TRIM40: variants seen among roughly 807,000 people sequenced by gnomAD.
TRIM40 encodes E3 ubiquitin ligase TRIM40.
Under a neutral mutation model 26.1 loss-of-function variants are expected in TRIM40, and 27 were observed. That is an observed-to-expected ratio of 1.04 (90% CI 0.76 to 1.43). TRIM40 has a LOEUF of 1.43. Ranked by LOEUF, TRIM40 falls within the 40% of genes most tolerant of loss-of-function variation. The probability of loss-of-function intolerance (pLI) is 0.00; values close to 1 mark genes in which losing one functional copy is unlikely to be tolerated. For synonymous variants in TRIM40, 114 were observed against 120.0 expected (o/e 0.95, Z 0.33); for missense variants, 289 against 307.9 (o/e 0.94, Z 0.46).
At chr6:30,143,516 T>C (rs1771474094) in intron 2 of TRIM40, among the ~76,000 whole-genome samples, 1 of 151,892 alleles carries the variant, frequency 6.6e-6, no homozygotes, top group African/African-American at 2.4e-5. Flanking sequence ...TAGCAAGTTG[T>C]TTAAGAACAA....
chr6:30,144,202 T>C (rs1045105544), intron 2 of TRIM40, among the ~76,000 whole-genome samples: 1 of 152,166 alleles, frequency 6.6e-6, no homozygotes, highest in African/African-American at 2.4e-5. Flanking sequence ...CTTATCTTTG[T>C]TGCTGAGAAG....
At chr6:30,143,235 T>G (rs1169625002) in intron 2 of TRIM40, among the ~76,000 whole-genome samples, 1 of 152,166 alleles carries the variant, frequency 6.6e-6, no homozygotes, top group Non-Finnish European at 1.5e-5. Context: ...CTATGTATTT[T>G]ACAACACTAT....
chr6:30,146,906 C>T, intron 3 of TRIM40, 79 bp from the exon 4 acceptor site: 1 of 1,406,002 alleles, frequency 7.1e-7, no homozygotes, highest in Non-Finnish European at 9.8e-7. Flanking sequence ...ATCAGCATTC[C>T]TGCTCAGACA....
At chr6:30,145,574 G>T (rs530569481) in intron 2 of TRIM40, among the ~76,000 whole-genome samples, 2 of 152,284 alleles carry the variant, frequency 1.3e-5, no homozygotes, top group East Asian at 3.9e-4. Context: ...TCCCAGTGAG[G>T]ACCAGGCAGC....
chr6:30,145,364 A>T (rs937697536), intron 2 of TRIM40, among the ~76,000 whole-genome samples: 1 of 152,246 alleles, frequency 6.6e-6, no homozygotes, highest in African/African-American at 2.4e-5. Context: ...CATTTAAAGC[A>T]TTTGTTGTTA....
Position 30,137,276 on chromosome 6 carries a change from G to A in TRIM40, c.240G>A (p.Arg80=), listed in dbSNP as rs758609491. 3.1e-6 allele frequency: 5 copies of A among 1,613,074 alleles called. No individual in the cohort carries two copies. The highest frequency in any genetic ancestry group is 4.2e-6 in the Non-Finnish European group (5 of 1,180,024). ...ICPNHQKRVC[R]FCEESRLLLC... is the part of the protein sequence containing the mutation. ...CCAACCACCAGAAGAGGGTGTGCAG[G>A]TTCTGTGAGGAGAGCAGACTTCTTC... Residue 80 remains arginine, a synonymous_variant, in exon 2 of 6, where the codon AGG becomes AGA. Coordinates refer to ENST00000396581, the MANE Select transcript of TRIM40 (RefSeq NM_001286633.2).
chr6:30,140,573 G>C (rs182670289), intron 2 of TRIM40, among the ~76,000 whole-genome samples: 236 of 152,212 alleles, frequency 1.6e-3, no homozygotes, highest in Middle Eastern at 3.4e-3. Flanking sequence ...CCTGTGAGGG[G>C]ATGGGGGGTA....
In TRIM40 at chr6:30,137,400, A is replaced by G; in HGVS notation, c.345+19A>G. The G allele has an allele frequency of 6.3e-7, 1 of 1,596,344 alleles. No homozygotes were observed. Among genetic ancestry groups the G allele is most frequent in the South Asian group, 1.1e-5 (1 of 88,360 alleles). On this transcript the variant is annotated intron_variant, in intron 2 of 5. Coordinates refer to ENST00000396581, the MANE Select transcript of TRIM40 (RefSeq NM_001286633.2). ...CTACAAGGTAAGCCTGGGTCACCGC[A>G]GCCAGGCCCTGCCTCCACCTCGCTG...
At chr6:30,147,408 C>T (rs948627310) in intron 4 of TRIM40, 112 bp from the exon 5 acceptor site, 2 of 1,530,904 alleles carry the variant, frequency 1.3e-6, no homozygotes, top group East Asian at 4.5e-5. Context: ...TATGTTCCCC[C>T]AGTTCTCAAG....
chr6:30,136,866 A>G lies in TRIM40; in HGVS notation c.-171A>G. 2 of 622,922 alleles carry G rather than the reference A, an allele frequency of 3.2e-6. No homozygotes were observed. Among genetic ancestry groups the G allele is most frequent in the Non-Finnish European group, 5.6e-6 (2 of 358,458 alleles). The allele number at this position is 622,922 out of a possible 1,614,324, so 38.6% of individuals were successfully genotyped here. ...CTATGTCACGGCACCCTTGAGGGAG[A>G]GTGGGCAATTGCCTGAACTTGGAGG... is the stretch of plus-strand genomic sequence containing the variant. On this transcript the variant is annotated 5_prime_UTR_variant, in exon 2 of 6. Transcript: ENST00000396581.
At chr6:30,142,999 T>C (rs1242569533) in intron 2 of TRIM40, among the ~76,000 whole-genome samples, 1 of 152,194 alleles carries the variant, frequency 6.6e-6, no homozygotes, top group Non-Finnish European at 1.5e-5. Context: ...TCTTTTAAGA[T>C]GAGTGCTTTT....
chr6:30,140,516 A>G (rs1581532584), intron 2 of TRIM40, among the ~76,000 whole-genome samples: 3 of 152,292 alleles, frequency 2.0e-5, no homozygotes, highest in Non-Finnish European at 2.9e-5. Context: ...TGAGAGTTGA[A>G]CAATGAGAAC....
Position 30,147,056 on chromosome 6 carries a change from G to T in TRIM40, c.513G>T (p.Leu171=). 6.2e-7 allele frequency: 1 copy of T among 1,613,706 alleles called. No homozygotes were observed. The highest frequency in any genetic ancestry group is 8.5e-7 in the Non-Finnish European group (1 of 1,179,810). The stretch of plus-strand genomic sequence containing the variant: ...GCCAGCACCAAACCAGGGAACAGCT[G>T]GGTGCCCTCCCTCAGCAGTGGCTGG... ...PESQHQTREQ[L]GALPQQWLGQ... is the part of the protein sequence containing the mutation. Residue 171 remains leucine (L), a synonymous_variant, in exon 4 of 6, where the codon CTG becomes CTT. Transcript: ENST00000396581.
chr6:30,147,695 T>G (rs1280436009), intron 5 of TRIM40, 30 bp from the exon 6 acceptor site: 1 of 1,610,672 alleles, frequency 6.2e-7, no homozygotes, highest in Non-Finnish European at 8.5e-7. Flanking sequence ...TGAATACATA[T>G]TAATCTATGA....
At chr6:30,141,305 G>C (rs1422960916) in intron 2 of TRIM40, among the ~76,000 whole-genome samples, 2 of 152,214 alleles carry the variant, frequency 1.3e-5, no homozygotes, top group African/African-American at 4.8e-5. Flanking sequence ...CTGCAGCCAG[G>C]AAGACAGAGC....
At chr6:30,142,632 A>G (rs182047000) in intron 2 of TRIM40, among the ~76,000 whole-genome samples, 2 of 152,252 alleles carry the variant, frequency 1.3e-5, no homozygotes, top group Admixed American at 1.3e-4. Flanking sequence ...AAATACACAG[A>G]AATTTGTTTA....
intron 2 of TRIM40, among the ~76,000 whole-genome samples, chr6:30,140,082 G>A (rs190591417): frequency 2.0e-5 from 3 of 152,342 alleles, no homozygotes; most frequent in African/African-American, 7.2e-5. Flanking sequence ...AGATTCTGGA[G>A]ACGAAGTGGA....
At chr6:30,147,292 T>C in intron 4 of TRIM40, 83 bp downstream of exon 4, 1 of 1,520,106 alleles carries the variant, frequency 6.6e-7, no homozygotes, top group Non-Finnish European at 9.1e-7. Context: ...CTGGGAGGTG[T>C]AAGAGGGAGG....
intron 2 of TRIM40, among the ~76,000 whole-genome samples, chr6:30,139,533 G>A (rs1032558290): frequency 6.6e-6 from 1 of 151,916 alleles, no homozygotes; most frequent in Non-Finnish European, 1.5e-5. Flanking sequence ...AGTAGAAACA[G>A]GGTTTCACCA....
Sources: gnomAD v4.1 joint callset for allele counts (sites outside exome capture counted in the v4.1 genomes callset) on GRCh38, gnomAD v4.1.1 for gene constraint, MANE v1.5 for transcripts, NCBI Gene and HGNC (gene_info 2026-07-23, HGNC 2026-07-21) for gene names.